Variants in RBFOX1 observed in about 807,000 individuals in gnomAD.
RBFOX1 encodes the protein RNA binding fox-1 homolog 1, also known as RNA binding protein fox-1 homolog 1.
RBFOX1 carries 8 observed loss-of-function variants against 57.7 expected under a neutral mutation model. That is an observed-to-expected ratio of 0.14 (90% CI 0.08 to 0.25). The LOEUF is 0.25. Among genes scored for constraint, RBFOX1 ranks in the 10% least tolerant of loss-of-function variants. The pLI, the probability that RBFOX1 is intolerant of heterozygous loss-of-function variation, is 1.00. For synonymous variants in RBFOX1, 326 were observed against 222.4 expected (o/e 1.47, Z -4.15); for missense variants, 611 against 548.5 (o/e 1.11, Z -1.14).
At chr16:7,359,481 G>C (rs975691795) in intron 4 of RBFOX1, among the ~76,000 whole-genome samples, 2 of 152,130 alleles carry the variant, frequency 1.3e-5, no homozygotes, top group Non-Finnish European at 2.9e-5. Context: ...ACTCCCTGTG[G>C]AGCTTGATAT....
chr16:6,346,019 T>C (rs368246363), intron 2 of RBFOX1, among the ~76,000 whole-genome samples: 21 of 152,202 alleles, frequency 1.4e-4, no homozygotes, highest in African/African-American at 4.8e-4. Context: ...TGTTGTTGAG[T>C]TTCTGATTAG....
chr16:5,823,585 G>A (rs779251298), intron 3 of RBFOX1, among the ~76,000 whole-genome samples: 1 of 152,240 alleles, frequency 6.6e-6, no homozygotes, highest in Non-Finnish European at 1.5e-5. Flanking sequence ...AGTAAGTGAA[G>A]CTTCATCTTT....
chr16:6,411,801 G>C (rs1332114024), intron 2 of RBFOX1, among the ~76,000 whole-genome samples: 1 of 152,194 alleles, frequency 6.6e-6, no homozygotes, highest in East Asian at 1.9e-4. Flanking sequence ...CCAGTTTTCA[G>C]ATGAAGTGAT....
chr16:6,778,104 C>A (rs546490073), intron 3 of RBFOX1, among the ~76,000 whole-genome samples: 3 of 151,978 alleles, frequency 2.0e-5, no homozygotes, highest in African/African-American at 7.2e-5. Flanking sequence ...TGCACTGTTG[C>A]GAATACATGA....
chr16:6,857,007 C>A (rs1365080950), intron 3 of RBFOX1, among the ~76,000 whole-genome samples: 1 of 152,144 alleles, frequency 6.6e-6, no homozygotes, highest in Non-Finnish European at 1.5e-5. Context: ...ATTAGACATG[C>A]TTTGGAGTTT....
chr16:7,557,619 CAAAAAAA>C (rs1170051114), intron 5 of RBFOX1, among the ~76,000 whole-genome samples: 7 of 40,766 alleles, frequency 1.7e-4, no homozygotes, highest in African/African-American at 2.7e-4. Context: ...GACTCTGTCT[CAAAAAAA>C]AAAAAAAAAA....
chr16:7,619,892 C>T (rs1448366027), intron 10 of RBFOX1, among the ~76,000 whole-genome samples: 1 of 152,148 alleles, frequency 6.6e-6, no homozygotes, highest in Non-Finnish European at 1.5e-5. Context: ...GGCTTCTCAC[C>T]TTTGCCTACA....
At chr16:6,776,050 A>G (rs1054013645) in intron 3 of RBFOX1, 18 of 152,332 alleles carry the variant, frequency 1.2e-4, no homozygotes, top group Middle Eastern at 6.8e-3. Context: ...TTCTTGGATC[A>G]TATGTTTTTA....
intron 3 of RBFOX1, among the ~76,000 whole-genome samples, chr16:6,763,756 A>T (rs368835250): frequency 6.6e-6 from 1 of 152,236 alleles, no homozygotes; most frequent in African/African-American, 2.4e-5. Flanking sequence ...CACTGGACGG[A>T]TTCCACACAA....
At chr16:7,416,732 T>G (rs563069812) in intron 4 of RBFOX1, among the ~76,000 whole-genome samples, 1 of 152,284 alleles carries the variant, frequency 6.6e-6, no homozygotes, top group African/African-American at 2.4e-5. Context: ...AGGGATGTTT[T>G]TTTTTCTTTC....
intron 1 of RBFOX1, among the ~76,000 whole-genome samples, chr16:5,258,279 A>G (rs1300586335): frequency 1.3e-5 from 2 of 152,194 alleles, no homozygotes; most frequent in Admixed American, 1.3e-4. Flanking sequence ...CATAAGTATA[A>G]AAACTATTAA....
At chr16:7,566,139 C>G (rs1435198291) in intron 5 of RBFOX1, among the ~76,000 whole-genome samples, 2 of 152,144 alleles carry the variant, frequency 1.3e-5, no homozygotes, top group Non-Finnish European at 2.9e-5. Context: ...TTCTCGTAAG[C>G]ATTTGATAGA....
At chr16:7,185,538 A>G (rs936809778) in intron 4 of RBFOX1, among the ~76,000 whole-genome samples, 3 of 152,242 alleles carry the variant, frequency 2.0e-5, no homozygotes, top group Non-Finnish European at 2.9e-5. Flanking sequence ...CTTTGTGGAC[A>G]CACACATTCT....
intron 2 of RBFOX1, among the ~76,000 whole-genome samples, chr16:5,537,334 C>T (rs2044740686): frequency 6.6e-6 from 1 of 152,208 alleles, no homozygotes; most frequent in Non-Finnish European, 1.5e-5. Flanking sequence ...AGCAGCACAT[C>T]ACTTCTAGGA....
At chr16:6,861,029 G>C (rs548150738) in intron 3 of RBFOX1, among the ~76,000 whole-genome samples, 1 of 152,276 alleles carries the variant, frequency 6.6e-6, no homozygotes, top group African/African-American at 2.4e-5. Flanking sequence ...ACCACTGTTA[G>C]GGAGTAGGGG....
chr16:7,103,064 T>G (rs2151397388), intron 4 of RBFOX1, among the ~76,000 whole-genome samples: 1 of 129,834 alleles, frequency 7.7e-6, no homozygotes, highest in African/African-American at 3.0e-5. Context: ...TAATTCTATC[T>G]TTGCCTCAAA....
At chr16:6,905,987 C>A (rs1339766346) in intron 3 of RBFOX1, among the ~76,000 whole-genome samples, 2 of 152,180 alleles carry the variant, frequency 1.3e-5, no homozygotes, top group African/African-American at 4.8e-5. Flanking sequence ...GGTCCTTCTG[C>A]AGCATTCTGA....
chr16:6,364,556 C>A (rs2152876906), intron 2 of RBFOX1, among the ~76,000 whole-genome samples: 1 of 152,304 alleles, frequency 6.6e-6, no homozygotes, highest in East Asian at 1.9e-4. Context: ...TGCATGTGAA[C>A]ACATGTGCGT....
At chr16:7,426,948 G>T (rs559762178) in intron 4 of RBFOX1, among the ~76,000 whole-genome samples, 1 of 152,344 alleles carries the variant, frequency 6.6e-6, no homozygotes, top group African/African-American at 2.4e-5. Flanking sequence ...AAAAGGATGA[G>T]TTCATGTCCT....
Sources: gnomAD v4.1 joint callset for allele counts (sites outside exome capture counted in the v4.1 genomes callset) on GRCh38, gnomAD v4.1.1 for gene constraint, MANE v1.5 for transcripts, NCBI Gene and HGNC (gene_info 2026-07-23, HGNC 2026-07-21) for gene names.